Variants in FOCAD observed in about 807,000 individuals in gnomAD.
FOCAD encodes focadhesin.
Under a neutral mutation model 225.6 loss-of-function variants are expected in FOCAD, and 198 were observed. The observed-to-expected ratio is 0.88, with a 90% CI of 0.78 to 0.99. The LOEUF is 0.99. Among genes scored for constraint, FOCAD ranks in the 50% least tolerant of loss-of-function variants. FOCAD has a pLI of 0.00. For synonymous variants in FOCAD, 897 were observed against 755.0 expected (o/e 1.19, Z -3.08); for missense variants, 2,713 against 2,123.6 (o/e 1.28, Z -5.46).
At chr9:20,872,944 A>C (rs1168576253) in intron 18 of FOCAD, 1 of 151,948 alleles carries the variant, frequency 6.6e-6, no homozygotes, top group Non-Finnish European at 1.5e-5. Flanking sequence ...GGCTTTCTTC[A>C]CTTATCTTAG....
At chr9:20,913,167 C>T (rs1366592469) in intron 23 of FOCAD, among the ~76,000 whole-genome samples, 1 of 151,578 alleles carries the variant, frequency 6.6e-6, no homozygotes, top group African/African-American at 2.4e-5. Flanking sequence ...CACACACACA[C>T]ACACACACAC....
chr9:20,787,689 T>C (rs1820064586), intron 10 of FOCAD, among the ~76,000 whole-genome samples: 1 of 152,222 alleles, frequency 6.6e-6, no homozygotes, highest in Non-Finnish European at 1.5e-5. Context: ...TGATTCCAGC[T>C]GTCCAATTTT....
chr9:20,984,250 T>C (rs1370724642), intron 39 of FOCAD, among the ~76,000 whole-genome samples: 1 of 152,208 alleles, frequency 6.6e-6, no homozygotes, highest in Non-Finnish European at 1.5e-5. Flanking sequence ...ACCACTGTGC[T>C]TCAGTTTCCC....
chr9:20,976,585 T>C (rs770927343), intron 36 of FOCAD, 37 bp downstream of exon 36: 1 of 1,599,918 alleles, frequency 6.3e-7, no homozygotes, highest in Non-Finnish European at 8.6e-7. Flanking sequence ...CAGACTTTGA[T>C]TTTAGTATTT....
intron 11 of FOCAD, among the ~76,000 whole-genome samples, chr9:20,809,629 CTT>C (rs1564017892): frequency 6.6e-6 from 1 of 152,014 alleles, no homozygotes; most frequent in African/African-American, 2.4e-5. Context: ...TTTTGTCTTA[CTT>C]TTTGTCTATA....
At chr9:20,766,262 A>C (rs1460515562) in intron 7 of FOCAD, among the ~76,000 whole-genome samples, 1 of 152,204 alleles carries the variant, frequency 6.6e-6, no homozygotes, top group African/African-American at 2.4e-5. Context: ...TGTAAGAAAA[A>C]AGGGGATACA....
At chr9:20,918,980 G>A (rs756359801) in intron 24 of FOCAD, among the ~76,000 whole-genome samples, 32 of 152,158 alleles carry the variant, frequency 2.1e-4, no homozygotes, top group Non-Finnish European at 4.3e-4. Context: ...CCACAGGCTG[G>A]TTTGGGTCAG....
At chr9:20,854,324 A>G (rs1827951936) in intron 15 of FOCAD, among the ~76,000 whole-genome samples, 1 of 151,822 alleles carries the variant, frequency 6.6e-6, no homozygotes, top group Non-Finnish European at 1.5e-5. Flanking sequence ...GGTTATAACA[A>G]CAATAACTAT....
chr9:20,975,626 G>T (rs182313405), intron 35 of FOCAD, among the ~76,000 whole-genome samples: 12 of 152,298 alleles, frequency 7.9e-5, no homozygotes, highest in Admixed American at 7.2e-4. Context: ...ACTTAATTTG[G>T]AAAACTAGAT....
intron 1 of FOCAD, among the ~76,000 whole-genome samples, chr9:20,700,906 G>A (rs1823887939): frequency 6.6e-6 from 1 of 152,216 alleles, no homozygotes; most frequent in Admixed American, 6.5e-5. Flanking sequence ...ACAAGAAGCT[G>A]CTTCTCTTAA....
intron 5 of FOCAD, among the ~76,000 whole-genome samples, chr9:20,750,448 A>C (rs1828442635): frequency 6.6e-6 from 1 of 152,196 alleles, no homozygotes; most frequent in East Asian, 1.9e-4. Context: ...AGCAATTAAA[A>C]TATTTGCAAA....
Position 20,789,490 on chromosome 9 carries a change from C to G in FOCAD, c.1337C>G (p.Ala446Gly). Residue 446 changes from alanine to glycine, a missense_variant, in exon 11 of 44, where the codon GCT becomes GGT. Physicochemically the swap from Ala to Gly is moderately conservative, Grantham distance 60. Coordinates refer to ENST00000338382, the MANE Select transcript of FOCAD (RefSeq NM_001375567.1). ...ASVESLLPIT[A>G]VIPAPAFLLL... ...GTAGAGTCATTGCTTCCTATTACTG[C>G]TGTGATCCCTGCGCCTGCCTTTCTT... 1 of 1,613,984 alleles carries G rather than the reference C, an allele frequency of 6.2e-7. No homozygotes were observed. Among genetic ancestry groups the G allele is most frequent in the Non-Finnish European group, 8.5e-7 (1 of 1,179,988 alleles).
intron 35 of FOCAD, among the ~76,000 whole-genome samples, chr9:20,969,213 G>A (rs752184711): frequency 6.6e-6 from 1 of 152,012 alleles, no homozygotes; most frequent in Non-Finnish European, 1.5e-5. Flanking sequence ...AGAATGTTCC[G>A]TGTGCTCTTG....
rs768813351 is a variant in FOCAD, at chr9:20,988,449, T to G, written c.5004+20T>G. 2 of 1,391,618 alleles carry G rather than the reference T, an allele frequency of 1.4e-6. No homozygotes were observed. The highest frequency in any genetic ancestry group is 2.0e-6 in the Non-Finnish European group (2 of 994,802). 86.2% of individuals were successfully genotyped at this position (1,391,618 alleles called of 1,614,324 possible). ...GACAAGGTAAAATCTAGAGGAGTAG[T>G]TTATAGCTTCCTTAAAATACAGAAC... is the stretch of plus-strand genomic sequence containing the variant. On this transcript the variant is annotated intron_variant, in intron 41 of 43. Coordinates refer to ENST00000338382, the MANE Select transcript of FOCAD (RefSeq NM_001375567.1).
At chr9:20,779,250 A>G (rs774123002) in intron 9 of FOCAD, among the ~76,000 whole-genome samples, 1 of 152,246 alleles carries the variant, frequency 6.6e-6, no homozygotes, top group Non-Finnish European at 1.5e-5. Context: ...AGGGTGGCAA[A>G]AATGTTCTAG....
chr9:20,836,531 C>A (rs2131536383), intron 15 of FOCAD, among the ~76,000 whole-genome samples: 2 of 152,160 alleles, frequency 1.3e-5, no homozygotes, highest in Admixed American at 1.3e-4. Context: ...TTGATGCCTT[C>A]AGTTCTTCCT....
intron 15 of FOCAD, among the ~76,000 whole-genome samples, chr9:20,861,433 A>G (rs970771596): frequency 2.0e-5 from 3 of 152,204 alleles, no homozygotes; most frequent in African/African-American, 7.2e-5. Context: ...CCTGGTCTAC[A>G]ATACTGCCCT....
At chr9:20,967,744 T>A (rs540121064) in intron 35 of FOCAD, among the ~76,000 whole-genome samples, 3 of 152,268 alleles carry the variant, frequency 2.0e-5, no homozygotes, top group African/African-American at 7.2e-5. Context: ...GCGGGCTTTT[T>A]TCCTTTGTAT....
intron 28 of FOCAD, among the ~76,000 whole-genome samples, chr9:20,942,755 C>A (rs1025535782): frequency 6.6e-6 from 1 of 152,012 alleles, no homozygotes; most frequent in African/African-American, 2.4e-5. Flanking sequence ...AAAGGTATAC[C>A]CACCCTTATG....
Sources: gnomAD v4.1 joint callset for allele counts (sites outside exome capture counted in the v4.1 genomes callset) on GRCh38, gnomAD v4.1.1 for gene constraint, MANE v1.5 for transcripts, NCBI Gene and HGNC (gene_info 2026-07-23, HGNC 2026-07-21) for gene names.